Variants in DCAF17 observed in about 807,000 individuals in gnomAD.
DCAF17 encodes DDB1- and CUL4-associated factor 17.
A neutral mutation model predicts 66.0 loss-of-function variants in DCAF17; 48 were observed. That is an observed-to-expected ratio of 0.73 (90% CI 0.58 to 0.92). The LOEUF is 0.92. DCAF17 is among the 40% of genes least tolerant of loss of function. The probability of loss-of-function intolerance (pLI) is 0.00; values close to 1 mark genes in which losing one functional copy is unlikely to be tolerated. For synonymous variants in DCAF17, 206 were observed against 214.6 expected (o/e 0.96, Z 0.35); for missense variants, 562 against 622.8 (o/e 0.90, Z 1.04).
At position 171,481,592 on chromosome 2, in the gene DCAF17, A is replaced by G. The variant is rs1189718123; in HGVS notation, c.*478A>G. 2.2e-6 allele frequency: 1 copy of G among 454,092 alleles called. No homozygotes were observed. The highest frequency in any genetic ancestry group is 2.3e-5 in the Admixed American group (1 of 42,570). 28.1% of individuals were successfully genotyped at this position (454,092 alleles called of 1,614,324 possible). ...GATGAGAAATGAGATGTGTTATGTG[A>G]GAACATTATTTTGAGCCCAAAATGT... On this transcript the variant is annotated 3_prime_UTR_variant, in exon 14 of 14. Transcript: ENST00000375255.
chr2:171,434,833 A>AT, intron 1 of DCAF17, 130 bp downstream of exon 1: 1 of 1,367,414 alleles, frequency 7.3e-7, no homozygotes, highest in Non-Finnish European at 9.6e-7. Flanking sequence ...AGGAGGATAC[A>AT]AGCCCGGAAT....
chr2:171,436,774 ATT>A (rs147733426), intron 2 of DCAF17, among the ~76,000 whole-genome samples: 6 of 136,384 alleles, frequency 4.4e-5, no homozygotes, highest in Admixed American at 7.3e-5. Flanking sequence ...AGAGAGGTTA[ATT>A]TTTTTTTTTT....
chr2:171,482,975 C>T lies in DCAF17; in HGVS notation c.*1861C>T, dbSNP rs939614007. 7 of 453,950 alleles carry T rather than the reference C, an allele frequency of 1.5e-5. No individual in the cohort carries two copies. Among genetic ancestry groups the T allele is most frequent in the African/African-American group, 4.0e-5 (2 of 49,978 alleles). The allele number at this position is 453,950 out of a possible 1,614,324, so 28.1% of individuals were successfully genotyped here. On this transcript the variant is annotated 3_prime_UTR_variant, in exon 14 of 14. Transcript: ENST00000375255. Reference sequence around the variant, plus strand: ...AAGGAGTTGTGGGCAGTGTAACAAACAGGAGAGCTATGCCCCAACTAAAAG... The same window carrying T: ...AAGGAGTTGTGGGCAGTGTAACAAATAGGAGAGCTATGCCCCAACTAAAAG...
In DCAF17 at chr2:171,481,927, A is replaced by G; in HGVS notation, c.*813A>G. 2.2e-6 allele frequency: 1 copy of G among 454,064 alleles called. No individual in the cohort carries two copies. Among genetic ancestry groups the G allele is most frequent in the South Asian group, 1.6e-5 (1 of 64,468 alleles). 28.1% of individuals were successfully genotyped at this position (454,064 alleles called of 1,614,324 possible). Reference sequence around the variant, plus strand: ...TTGTTTAGGCAATATTTGCATACTTATGCAATAAGATAAAGGTACCCTTGC... The same window carrying G: ...TTGTTTAGGCAATATTTGCATACTTGTGCAATAAGATAAAGGTACCCTTGC... On this transcript the variant is annotated 3_prime_UTR_variant, in exon 14 of 14. Transcript: ENST00000375255.
At position 171,434,720 on chromosome 2, in the gene DCAF17, CG is replaced by C. The variant is rs768050246; in HGVS notation, c.126+21del. On this transcript the variant is annotated intron_variant, in intron 1 of 13. Coordinates refer to ENST00000375255, the MANE Select transcript of DCAF17 (RefSeq NM_025000.4). ...GTGTGCCAGGTGACCGCCAGCCGGC[CG>C]GGGCGGGACGGAGGGCCGCGGGCGC... 7 of 1,423,578 alleles carry C rather than the reference CG, an allele frequency of 4.9e-6. No homozygotes were observed. The South Asian group carries it at 1.0e-4, about 21-fold the overall frequency. 88.2% of individuals were successfully genotyped at this position (1,423,578 alleles called of 1,614,324 possible).
At chr2:171,438,876 A>G (rs1179939886) in intron 2 of DCAF17, among the ~76,000 whole-genome samples, 3 of 152,134 alleles carry the variant, frequency 2.0e-5, no homozygotes, top group African/African-American at 7.2e-5. Flanking sequence ...AGCTAGGACT[A>G]TAGGCATGTG....
At chr2:171,465,386 G>A (rs13402901) in intron 8 of DCAF17, among the ~76,000 whole-genome samples, 8,472 of 152,096 alleles carry the variant, frequency 0.056, 265 homozygotes, top group African/African-American at 0.072. Flanking sequence ...TTTTGTTTTC[G>A]ATTTTGGGGT....
At chr2:171,445,518 A>G (rs1694566778) in intron 3 of DCAF17, among the ~76,000 whole-genome samples, 1 of 152,194 alleles carries the variant, frequency 6.6e-6, no homozygotes, top group Non-Finnish European at 1.5e-5. Flanking sequence ...AATTGTTATT[A>G]ACACACTGAT....
intron 12 of DCAF17, chr2:171,479,720 A>G (rs1335531839): frequency 3.1e-6 from 1 of 327,776 alleles, no homozygotes; most frequent in African/African-American, 2.2e-5. Flanking sequence ...GAGAGGCAGC[A>G]GTTGAATACT....
Position 171,481,367 on chromosome 2 carries a change from G to A in DCAF17, c.*253G>A. 1 of 559,546 alleles carries A rather than the reference G, an allele frequency of 1.8e-6. No homozygotes were observed. The highest frequency in any genetic ancestry group is 3.4e-6 in the Non-Finnish European group (1 of 296,700). The allele number at this position is 559,546 out of a possible 1,614,324, so 34.7% of individuals were successfully genotyped here. On this transcript the variant is annotated 3_prime_UTR_variant, in exon 14 of 14. Coordinates refer to ENST00000375255, the MANE Select transcript of DCAF17 (RefSeq NM_025000.4). ...TTGCAGCTTTGAGCTAGGTGGTAATGCAAATATAAAATGCTGGGAACAGAA... is the reference window on the plus strand; with the variant it reads ...TTGCAGCTTTGAGCTAGGTGGTAATACAAATATAAAATGCTGGGAACAGAA...
In DCAF17 at chr2:171,471,561, C is replaced by T. The variant is rs534464831; in HGVS notation, c.982-2305C>T. Among the ~76,000 whole-genome samples the T allele has an allele frequency of 3.3e-5, 5 of 152,250 alleles. No homozygotes were observed. In the South Asian group the frequency reaches 6.2e-4, roughly 19 times the overall value. ...ATGGACACATTAATTTCAGTGGTTA[C>T]AATCAATCAACATATTTAATTACAT... is the stretch of plus-strand genomic sequence containing the variant. On this transcript the variant is annotated intron_variant, in intron 9 of 13. Transcript: ENST00000375255.
At chr2:171,471,909 G>A (rs943682329) in intron 9 of DCAF17, among the ~76,000 whole-genome samples, 2 of 151,972 alleles carry the variant, frequency 1.3e-5, no homozygotes, top group African/African-American at 4.8e-5. Flanking sequence ...CAGCTACTTG[G>A]GAGGCTGAGG....
chr2:171,438,197 T>TA (rs1694078836), intron 2 of DCAF17, among the ~76,000 whole-genome samples: 1 of 152,276 alleles, frequency 6.6e-6, no homozygotes, highest in South Asian at 2.1e-4. Flanking sequence ...ATTTGTGGTT[T>TA]AATACCACTA....
chr2:171,458,261 T>C lies in DCAF17; in HGVS notation c.733-111T>C, dbSNP rs549506154. 97 of 1,098,720 alleles carry C rather than the reference T, an allele frequency of 8.8e-5. 2 individuals are homozygous for C. The South Asian group carries it at 1.2e-3, about 14-fold the overall frequency. 68.1% of individuals were successfully genotyped at this position (1,098,720 alleles called of 1,614,324 possible). A position where few individuals can be genotyped will look rare whatever the true frequency, so the allele number is the denominator to read the frequency against. On this transcript the variant is annotated intron_variant, in intron 7 of 13. Transcript: ENST00000375255. ...GTGGGGAAGATAAACAGAAAGGCCA[T>C]TGGAAAAAGACATTTTCTTTGTCAT...
rs1259421338 is a variant in DCAF17, at chr2:171,483,826, A to G, written c.*2712A>G. ...GAGGCTCACAGAAGTTAATTGGCCC[A>G]GGGTCCCACAACTAGTCAGTGCAGA... On this transcript the variant is annotated 3_prime_UTR_variant, in exon 14 of 14. Coordinates refer to ENST00000375255, the MANE Select transcript of DCAF17 (RefSeq NM_025000.4). 2.2e-6 allele frequency: 1 copy of G among 454,080 alleles called. No individual in the cohort carries two copies. Among genetic ancestry groups the G allele is most frequent in the Non-Finnish European group, 4.4e-6 (1 of 226,788 alleles). 28.1% of individuals were successfully genotyped at this position (454,080 alleles called of 1,614,324 possible).
chr2:171,454,124 T>G (rs1405004714), intron 6 of DCAF17, among the ~76,000 whole-genome samples: 1 of 151,930 alleles, frequency 6.6e-6, no homozygotes, highest in Non-Finnish European at 1.5e-5. Context: ...GAATTATGAT[T>G]GCACCACTAC....
chr2:171,448,682 G>T lies in DCAF17; in HGVS notation c.323G>T (p.Gly108Val), dbSNP rs1694779543. 3 of 1,571,148 alleles carry T rather than the reference G, an allele frequency of 1.9e-6. No homozygotes were observed. The highest frequency in any genetic ancestry group is 1.2e-5 in the South Asian group (1 of 82,160). Residue 108 changes from glycine (G) to valine (V), a missense_variant and splice_region_variant, in exon 4 of 14, where the codon GGA becomes GTA. This residue lies in a region of DCAF17 where 348 missense variants were observed against 355.9 expected (regional missense o/e 0.98). Coordinates refer to ENST00000375255, the MANE Select transcript of DCAF17 (RefSeq NM_025000.4). ...EDALLWECPVGDILPNSSDYK... is the reference protein window; with the variant it reads ...EDALLWECPVVDILPNSSDYK... Reference sequence around the variant, plus strand: ...TTATATCTCTCTTTTTTTTTTTAGGGAGATATACTTCCCAATTCATCAGAT... The same window carrying T: ...TTATATCTCTCTTTTTTTTTTTAGGTAGATATACTTCCCAATTCATCAGAT...
At position 171,461,490 on chromosome 2, in the gene DCAF17, AAG is replaced by A. The variant is rs200268904; in HGVS notation, c.838+3017_838+3018del. Among the ~76,000 whole-genome samples, 225 of 152,292 alleles carry A rather than the reference AAG, an allele frequency of 1.5e-3. 4 individuals are homozygous for A. The East Asian group carries it at 0.016, about 11-fold the overall frequency. ...AAAATTGGGAAATAAAGATAAGCAA[AAG>A]AGAAAATGTAAAACATTATAGTCCT... On this transcript the variant is annotated intron_variant, in intron 8 of 13. Coordinates refer to ENST00000375255, the MANE Select transcript of DCAF17 (RefSeq NM_025000.4).
In DCAF17 at chr2:171,481,000, CAG is replaced by C; in HGVS notation, c.1453_1454del (p.Asp485LeufsTer23). The C allele has an allele frequency of 1.2e-6, 2 of 1,613,712 alleles. No individual in the cohort carries two copies. The highest frequency in any genetic ancestry group is 1.7e-6 in the Non-Finnish European group (2 of 1,179,688). ...VTYSHEVYFD[R>X]DLVLHIEQKP... ...CATATAGCCATGAAGTCTACTTTGA[CAG>C]AGACTTGGTGCTACACATAGAGCAG... On this transcript the variant is annotated frameshift_variant, in exon 14 of 14. Coordinates refer to ENST00000375255, the MANE Select transcript of DCAF17 (RefSeq NM_025000.4). LOFTEE classifies it high-confidence loss of function.
Sources: gnomAD v4.1 joint callset for allele counts (sites outside exome capture counted in the v4.1 genomes callset) on GRCh38, gnomAD v4.1.1 for gene constraint, gnomAD v4.1.1 regional missense constraint, MANE v1.5 for transcripts, NCBI Gene and HGNC (gene_info 2026-07-23, HGNC 2026-07-21) for gene names.